Variants in C8B observed in about 807,000 individuals in gnomAD.
C8B encodes the protein complement C8 beta chain.
In C8B, 67 loss-of-function variants were observed where a neutral mutation model predicts 64.6. The observed-to-expected ratio is 1.04, with a 90% CI of 0.85 to 1.27. The LOEUF is 1.27. Ranked by LOEUF, C8B falls within the 50% of genes most tolerant of loss-of-function variation. C8B has a pLI of 0.00. For synonymous variants in C8B, 284 were observed against 257.7 expected (o/e 1.10, Z -0.98); for missense variants, 790 against 725.2 (o/e 1.09, Z -1.03).
chr1:56,930,415 C>A (rs1644682994), intron 11 of C8B, among the ~76,000 whole-genome samples: 1 of 152,168 alleles, frequency 6.6e-6, no homozygotes, highest in Non-Finnish European at 1.5e-5. Context: ...CTGGGCCTCT[C>A]CATTTGAAAA....
At position 56,954,626 on chromosome 1, in the gene C8B, G is replaced by A. The variant is rs189416123; in HGVS notation, c.533+60C>T. The A allele has an allele frequency of 1.2e-4, 191 of 1,601,334 alleles. 1 individual carries two copies. In the East Asian group the frequency reaches 2.2e-3, roughly 19 times the overall value. ...ATATCAGTTCTCTCATTCTCTATCC[G>A]CCAGAATTCCATTTAATGCTGTGCC... On this transcript the variant is annotated intron_variant, in intron 4 of 11. Transcript: ENST00000371237.
chr1:56,933,473 C>T lies in C8B; in HGVS notation c.1414G>A (p.Glu472Lys), dbSNP rs760262006. 1.2e-5 allele frequency: 20 copies of T among 1,613,690 alleles called. No homozygotes were observed. The highest frequency in any genetic ancestry group is 8.5e-7 in the Non-Finnish European group (1 of 1,179,740). ...IIKVKVEPLYELVTATDFAYS... is the reference protein window; with the variant it reads ...IIKVKVEPLYKLVTATDFAYS... ...GCAAAATCTGTGGCTGTCACTAGTT[C>T]ATACAGAGGCTCCACCTGGAAAGGG... Residue 472 changes from glutamate (E) to lysine (K), a missense_variant, in exon 10 of 12, where the codon GAA (glutamate) becomes AAA (lysine). Physicochemically the swap from Glu to Lys is moderately conservative, Grantham distance 56 (BLOSUM62 1). Coordinates refer to ENST00000371237, the MANE Select transcript of C8B (RefSeq NM_000066.4).
chr1:56,944,807 T>C (rs980468993), intron 7 of C8B, among the ~76,000 whole-genome samples: 8 of 152,334 alleles, frequency 5.3e-5, no homozygotes, highest in African/African-American at 1.4e-4. Flanking sequence ...GTGTACCACG[T>C]GTCCTCTTGC....
In C8B at chr1:56,965,961, A is replaced by G. The variant is rs1202038573; in HGVS notation, c.-13T>C. The G allele has an allele frequency of 7.4e-6, 12 of 1,613,534 alleles. No homozygotes were observed. The highest frequency in any genetic ancestry group is 9.3e-6 in the Non-Finnish European group (11 of 1,179,966). On this transcript the variant is annotated 5_prime_UTR_variant, in exon 1 of 12. Transcript: ENST00000371237. Reference sequence around the variant, plus strand: ...TGGAATTCTTCATTTTCCCAATGTGACAGGAGATGCCACAGAGGCTGCTAG... The same window carrying G: ...TGGAATTCTTCATTTTCCCAATGTGGCAGGAGATGCCACAGAGGCTGCTAG...
intron 8 of C8B, among the ~76,000 whole-genome samples, chr1:56,942,777 G>A (rs904177987): frequency 6.6e-6 from 1 of 151,870 alleles, no homozygotes; most frequent in African/African-American, 2.4e-5. Context: ...TAAAAAGTAG[G>A]GGGGCGTCTC....
intron 3 of C8B, among the ~76,000 whole-genome samples, chr1:56,955,259 G>A (rs1424384299): frequency 2.0e-5 from 3 of 152,186 alleles, no homozygotes; most frequent in African/African-American, 7.2e-5. Context: ...TGACTCCTAG[G>A]AAGTGCTGTG....
At chr1:56,939,999 T>C (rs1483430153) in intron 9 of C8B, among the ~76,000 whole-genome samples, 1 of 130,794 alleles carries the variant, frequency 7.6e-6, no homozygotes, top group African/African-American at 2.8e-5. Flanking sequence ...TGATGTCTTG[T>C]CCTGTAAGAT....
rs1363382109 is a variant in C8B at position 56,931,481 on chromosome 1, C to T, written c.1621+329G>A. On this transcript the variant is annotated intron_variant, in intron 11 of 11. Transcript: ENST00000371237. Reference sequence around the variant, plus strand: ...AATTTTTTATGGAGGAGGGGGCATACGTGCTGGAATTTGAGGGCTGAATAG... The same window carrying T: ...AATTTTTTATGGAGGAGGGGGCATATGTGCTGGAATTTGAGGGCTGAATAG... 91 of 344,920 alleles carry T rather than the reference C, an allele frequency of 2.6e-4. No individual in the cohort carries two copies. The Admixed American group carries it at 3.5e-3, about 13-fold the overall frequency. The allele number at this position is 344,920 out of a possible 1,614,324, so 21.4% of individuals were successfully genotyped here. A position where few individuals can be genotyped will look rare whatever the true frequency, so the allele number is the denominator to read the frequency against.
chr1:56,933,357 T>G lies in C8B; in HGVS notation c.1530A>C (p.Gly510=). The G allele has an allele frequency of 6.2e-7, 1 of 1,613,928 alleles. No homozygotes were observed. Among genetic ancestry groups the G allele is most frequent in the South Asian group, 1.1e-5 (1 of 91,078 alleles). The change falls in exon 10 of 12, where the codon GGA becomes GGC. Residue 510 remains glycine (G), a synonymous_variant. Transcript: ENST00000371237. The part of the protein sequence containing the change: ...VSSCHCAPCQ[G]NGVPVLKGSR... ...TACCTTTCAGGACAGGGACTCCATT[T>G]CCTTGGCAGGGAGCACAGTGGCAGG...
chr1:56,936,973 A>G (rs1250506039), intron 9 of C8B, among the ~76,000 whole-genome samples: 1 of 152,172 alleles, frequency 6.6e-6, no homozygotes, highest in Non-Finnish European at 1.5e-5. Flanking sequence ...TTCCAGGCAT[A>G]TGCTGCCACA....
At chr1:56,947,768 A>T (rs552933632) in intron 6 of C8B, among the ~76,000 whole-genome samples, 4 of 149,618 alleles carry the variant, frequency 2.7e-5, no homozygotes, top group African/African-American at 1.0e-4. Flanking sequence ...CGTCTCTACT[A>T]AAAATACAAA....
At chr1:56,930,163 T>A (rs1486253559) in intron 11 of C8B, among the ~76,000 whole-genome samples, 2 of 152,246 alleles carry the variant, frequency 1.3e-5, no homozygotes, top group African/African-American at 4.8e-5. Context: ...TATAGGATGC[T>A]GGATAGTTAT....
intron 9 of C8B, among the ~76,000 whole-genome samples, chr1:56,934,587 C>CAGGCAATTATGCAGGCAATCAT (rs1557727211): frequency 6.6e-6 from 1 of 152,166 alleles, no homozygotes; most frequent in African/African-American, 2.4e-5. Flanking sequence ...GTTTAGGGTA[C>CAGGCAATTATGCAGGCAATCAT]GTCTAAATGC....
At chr1:56,933,760 C>G (rs922436569) in intron 9 of C8B, among the ~76,000 whole-genome samples, 1 of 152,180 alleles carries the variant, frequency 6.6e-6, no homozygotes, top group Admixed American at 6.5e-5. Flanking sequence ...TCCCTACTCT[C>G]AAGGAACTCA....
rs201463530 is a variant in C8B at position 56,945,992 on chromosome 1, T to A, written c.934A>T (p.Met312Leu). 1 of 1,614,170 alleles carries A rather than the reference T, an allele frequency of 6.2e-7. No individual in the cohort carries two copies. Among genetic ancestry groups the A allele is most frequent in the Non-Finnish European group, 8.5e-7 (1 of 1,180,020 alleles). The change falls in exon 7 of 12, where the codon ATG becomes TTG. Residue 312 changes from methionine (M) to leucine (L), a missense_variant. By Grantham distance (15) the Met-to-Leu change is conservative (BLOSUM62 2). Transcript: ENST00000371237. ...CTCTGAAGGAACTCGTAATGGAGCA[T>A]GAGGCTTCTGGGTTTCAGCTTGTAA... ...AHYKLKPRSL[M>L]LHYEFLQRVK... is the part of the protein sequence containing the mutation.
intron 8 of C8B, among the ~76,000 whole-genome samples, chr1:56,942,716 A>G (rs1039183852): frequency 2.6e-4 from 40 of 151,912 alleles, no homozygotes; most frequent in Non-Finnish European, 4.6e-4. Context: ...AAAAAAGAGA[A>G]CTGGTATAAA....
chr1:56,956,326 C>A (rs1451698449), intron 3 of C8B, among the ~76,000 whole-genome samples: 6 of 152,134 alleles, frequency 3.9e-5, no homozygotes. Context: ...GTAAGGTATT[C>A]ACATCACCCC....
chr1:56,957,907 C>T (rs1232346263), intron 2 of C8B, among the ~76,000 whole-genome samples: 1 of 152,064 alleles, frequency 6.6e-6, no homozygotes. Flanking sequence ...CTAAGTGACA[C>T]CTCAGCTGAA....
At chr1:56,937,656 G>A (rs957706806) in intron 9 of C8B, among the ~76,000 whole-genome samples, 1 of 152,012 alleles carries the variant, frequency 6.6e-6, no homozygotes, top group African/African-American at 2.4e-5. Context: ...ATTTTAATAT[G>A]AGATTAAAAA....
Sources: allele counts gnomAD v4.1 joint callset (sites outside exome capture counted in the v4.1 genomes callset), GRCh38; gene constraint gnomAD v4.1.1; transcripts MANE v1.5; gene names NCBI Gene and HGNC (gene_info 2026-07-23, HGNC 2026-07-21).